Variants in SASH1 observed in about 807,000 individuals in gnomAD.
The protein encoded by SASH1 is SAM and SH3 domain-containing protein 1.
In SASH1, 44 loss-of-function variants were observed where a neutral mutation model predicts 125.2. The ratio of observed to expected loss-of-function variants is 0.35; its 90% confidence interval spans 0.28 to 0.45. The LOEUF (loss-of-function observed/expected upper bound fraction) is 0.45. SASH1 is among the 20% of genes least tolerant of loss of function. The pLI, the probability that SASH1 is intolerant of heterozygous loss-of-function variation, is 1.00. For missense variants in SASH1, 1,426 were observed against 1,614.5 expected, an observed-to-expected ratio of 0.88 and a Z score of 2.00; for synonymous variants, 639 against 649.1, an observed-to-expected ratio of 0.98 and a Z score of 0.24.
At chr6:148,333,117 G>A (rs1781041882) in intron 1 of SASH1, among the ~76,000 whole-genome samples, 1 of 151,926 alleles carries the variant, frequency 6.6e-6, no homozygotes, top group Non-Finnish European at 1.5e-5. Context: ...TAGTCTGCAG[G>A]GGCTTTCAAA....
At chr6:148,347,826 G>A (rs1337068026) in intron 1 of SASH1, among the ~76,000 whole-genome samples, 1 of 152,120 alleles carries the variant, frequency 6.6e-6, no homozygotes, top group Non-Finnish European at 1.5e-5. Flanking sequence ...TGTACTGGAA[G>A]GGATTGAAGC....
the SASH1 span, among the ~76,000 whole-genome samples, chr6:148,220,938 A>G: frequency 2.0e-5 from 3 of 152,156 alleles, no homozygotes. Flanking sequence ...AATGTGACCA[A>G]TAGACCCCAT....
intron 1 of SASH1, among the ~76,000 whole-genome samples, chr6:148,388,581 G>A (rs577116295): frequency 6.6e-6 from 1 of 152,344 alleles, no homozygotes; most frequent in African/African-American, 2.4e-5. Flanking sequence ...GGGAAGCAAG[G>A]AGCTTTTCTG....
upstream of SASH1, among the ~76,000 whole-genome samples, chr6:148,270,728 G>T (rs1022417207): frequency 3.9e-5 from 6 of 152,062 alleles, no homozygotes; most frequent in African/African-American, 4.8e-5. Flanking sequence ...CCAGTTCTTG[G>T]TTAATACACC....
chr6:148,388,444 A>T (rs1783570437), intron 1 of SASH1, among the ~76,000 whole-genome samples: 1 of 152,212 alleles, frequency 6.6e-6, no homozygotes, highest in Non-Finnish European at 1.5e-5. Context: ...GACTGATTGT[A>T]GTGAAGGGGT....
chr6:148,411,134 G>A (rs1373250941), intron 2 of SASH1, among the ~76,000 whole-genome samples: 1 of 113,164 alleles, frequency 8.8e-6, no homozygotes, highest in Non-Finnish European at 1.7e-5. Context: ...ACTCCAGCCT[G>A]AGTGCCTACA....
chr6:148,521,731 T>G (rs1255362096), intron 10 of SASH1, among the ~76,000 whole-genome samples: 1 of 152,250 alleles, frequency 6.6e-6, no homozygotes, highest in Admixed American at 6.5e-5. Context: ...CTCACAGATA[T>G]TTTGAAAAAT....
chr6:148,290,873 C>G (rs1333311087), intron 1 of SASH1, among the ~76,000 whole-genome samples: 1 of 36,920 alleles, frequency 2.7e-5, no homozygotes, highest in Non-Finnish European at 4.8e-5. Flanking sequence ...TCAATAAATA[C>G]TAAAAAAAAG....
chr6:148,367,126 A>G (rs995819309), intron 1 of SASH1, among the ~76,000 whole-genome samples: 3 of 151,412 alleles, frequency 2.0e-5, no homozygotes, highest in Non-Finnish European at 2.9e-5. Context: ...GTTTCACCAC[A>G]TTGGCCAGGC....
intron 1 of SASH1, among the ~76,000 whole-genome samples, chr6:148,279,059 T>A (rs1779264907): frequency 6.6e-6 from 1 of 151,902 alleles, no homozygotes; most frequent in African/African-American, 2.4e-5. Context: ...TGGTGCGATC[T>A]CAGCTCACTG....
intron 2 of SASH1, among the ~76,000 whole-genome samples, chr6:148,438,797 C>T (rs1347250836): frequency 6.9e-6 from 1 of 144,814 alleles, no homozygotes; most frequent in African/African-American, 2.6e-5. Context: ...ACACTCCCAA[C>T]AGTTTACCCA....
chr6:148,474,036 C>G (rs1042166064), intron 6 of SASH1, 74 bp from the exon 7 acceptor site: 19 of 896,112 alleles, frequency 2.1e-5, no homozygotes, highest in Non-Finnish European at 7.3e-6. Context: ...CCCGAGACAG[C>G]AGATGTTCCG....
At chr6:148,290,919 G>T (rs1438410613) in intron 1 of SASH1, among the ~76,000 whole-genome samples, 1 of 148,790 alleles carries the variant, frequency 6.7e-6, no homozygotes, top group Non-Finnish European at 1.5e-5. Flanking sequence ...AAAAGAAAAG[G>T]TTCTTTAAAA....
the SASH1 span, among the ~76,000 whole-genome samples, chr6:148,212,490 T>G: frequency 6.6e-6 from 1 of 152,188 alleles, no homozygotes; most frequent in African/African-American, 2.4e-5. Flanking sequence ...GCTGAACATT[T>G]TTAGTGGCAA....
the SASH1 span, among the ~76,000 whole-genome samples, chr6:148,233,927 T>C: frequency 6.7e-6 from 1 of 150,088 alleles, no homozygotes; most frequent in South Asian, 2.1e-4. Flanking sequence ...AAAAAAAAAC[T>C]AAATGTTCCT....
chr6:148,484,214 G>T (rs1778744486), intron 7 of SASH1, among the ~76,000 whole-genome samples: 1 of 152,146 alleles, frequency 6.6e-6, no homozygotes, highest in South Asian at 2.1e-4. Flanking sequence ...AGGTCTCCAA[G>T]ATGGAATAAG....
chr6:148,313,986 T>C (rs1160964843), intron 1 of SASH1, among the ~76,000 whole-genome samples: 1 of 152,196 alleles, frequency 6.6e-6, no homozygotes, highest in East Asian at 1.9e-4. Flanking sequence ...CTCAGTGTTT[T>C]CCTGTCCAGA....
In SASH1 at chr6:148,515,576, G is replaced by A. The variant is rs115120829; in HGVS notation, c.862+1120G>A. On this transcript the variant is annotated intron_variant, in intron 9 of 19. Coordinates refer to ENST00000367467, the MANE Select transcript of SASH1 (RefSeq NM_015278.5). Reference sequence around the variant, plus strand: ...AAACATGGGGAGAGAAATCAGCTTTGTGGCCAATTTCTTGGGTTGTTTTCA... The same window carrying A: ...AAACATGGGGAGAGAAATCAGCTTTATGGCCAATTTCTTGGGTTGTTTTCA... Among the ~76,000 whole-genome samples, 1,070 of 152,288 alleles carry A rather than the reference G, an allele frequency of 7.0e-3. 14 individuals are homozygous for A. Among genetic ancestry groups the A allele is most frequent in the African/African-American group, 0.025 (1,035 of 41,572 alleles).
chr6:148,483,887 G>T (rs1439410457), intron 7 of SASH1, among the ~76,000 whole-genome samples: 3 of 152,116 alleles, frequency 2.0e-5, no homozygotes, highest in Non-Finnish European at 4.4e-5. Flanking sequence ...ACAGAGATTT[G>T]GACACATATA....
Sources: gnomAD v4.1 joint callset for allele counts (sites outside exome capture counted in the v4.1 genomes callset) on GRCh38, gnomAD v4.1.1 for gene constraint, MANE v1.5 for transcripts, NCBI Gene and HGNC (gene_info 2026-07-23, HGNC 2026-07-21) for gene names.